The following CLSTN1 variants were observed in gnomAD, a reference collection of about 807,000 sequenced individuals.
The protein encoded by CLSTN1 is calsyntenin 1.
CLSTN1 carries 28 observed loss-of-function variants against 108.3 expected under a neutral mutation model. The ratio of observed to expected loss-of-function variants is 0.26; its 90% CI spans 0.19 to 0.35. The LOEUF (loss-of-function observed/expected upper bound fraction) is 0.35, where lower values mean the gene tolerates loss of function less well. CLSTN1 is among the 10% of genes least tolerant of loss of function. CLSTN1 has a pLI of 1.00. For missense variants in CLSTN1, 1,157 were observed against 1,302.6 expected, an observed-to-expected ratio of 0.89 and a Z score of 1.72; for synonymous variants, 524 against 534.9, an observed-to-expected ratio of 0.98 and a Z score of 0.28.
intron 4 of CLSTN1, among the ~76,000 whole-genome samples, chr1:9,753,033 A>G (rs565479027): frequency 2.6e-5 from 4 of 152,304 alleles, no homozygotes; most frequent in African/African-American, 9.6e-5. Flanking sequence ...TGAGAACACC[A>G]GCAGTCCCCA....
chr1:9,815,925 G>A (rs989615926), intron 1 of CLSTN1, among the ~76,000 whole-genome samples: 4 of 152,078 alleles, frequency 2.6e-5, no homozygotes, highest in Non-Finnish European at 4.4e-5. Context: ...GACAGAGTGA[G>A]ACTCTACCTC....
intron 2 of CLSTN1, among the ~76,000 whole-genome samples, chr1:9,769,839 G>A (rs1374946217): frequency 6.6e-6 from 1 of 151,806 alleles, no homozygotes; most frequent in Non-Finnish European, 1.5e-5. Flanking sequence ...TCAGGAGATT[G>A]AGACCACGGT....
chr1:9,811,616 C>T (rs1570523240), intron 1 of CLSTN1, among the ~76,000 whole-genome samples: 1 of 151,930 alleles, frequency 6.6e-6, no homozygotes, highest in East Asian at 1.9e-4. Flanking sequence ...TCCCCACCCC[C>T]ACTGTTCCTT....
At position 9,822,106 on chromosome 1, in the gene CLSTN1, A is replaced by C. The variant is rs960257699; in HGVS notation, c.91+1537T>G. ...AACTGTTCCCAAAATACCCAATCCA[A>C]GCACATATTTTTAAAATGTGTGGGT... On this transcript the variant is annotated intron_variant, in intron 1 of 18. Coordinates refer to ENST00000377298, the MANE Select transcript of CLSTN1 (RefSeq NM_001009566.3). 7.2e-5 allele frequency among the ~76,000 whole-genome samples: 11 copies of C among 152,240 alleles called. 1 individual carries two copies. Among genetic ancestry groups the C allele is most frequent in the Admixed American group, 6.5e-4 (10 of 15,288 alleles).
At chr1:9,783,668 C>T (rs1653351681) in intron 1 of CLSTN1, among the ~76,000 whole-genome samples, 1 of 149,042 alleles carries the variant, frequency 6.7e-6, no homozygotes, top group African/African-American at 2.5e-5. Flanking sequence ...CCAGCCTGGC[C>T]AACATGGTGA....
chr1:9,768,865 G>A (rs574121808), intron 2 of CLSTN1, among the ~76,000 whole-genome samples: 143 of 150,172 alleles, frequency 9.5e-4, no homozygotes, highest in African/African-American at 3.4e-3. Flanking sequence ...TCTGTGTTGG[G>A]TGGCACCAAA....
chr1:9,761,348 C>G (rs562060779), intron 2 of CLSTN1, among the ~76,000 whole-genome samples: 5 of 152,124 alleles, frequency 3.3e-5, no homozygotes, highest in Admixed American at 2.6e-4. Flanking sequence ...CAAAAATTAG[C>G]TGGGAGTGGT....
chr1:9,777,934 T>C (rs1364941930), intron 1 of CLSTN1, among the ~76,000 whole-genome samples: 1 of 152,084 alleles, frequency 6.6e-6, no homozygotes, highest in Non-Finnish European at 1.5e-5. Context: ...CCTGCTGCTC[T>C]CACCAACCTC....
intron 1 of CLSTN1, among the ~76,000 whole-genome samples, chr1:9,785,795 CTTT>C (rs77923873): frequency 7.0e-6 from 1 of 142,206 alleles, no homozygotes; most frequent in Non-Finnish European, 1.5e-5. Context: ...ATGTGAATTT[CTTT>C]TTTTTTTTTT....
At chr1:9,766,934 G>A (rs919688722) in intron 2 of CLSTN1, among the ~76,000 whole-genome samples, 2 of 152,190 alleles carry the variant, frequency 1.3e-5, no homozygotes, top group Non-Finnish European at 2.9e-5. Flanking sequence ...TCATTTCAGA[G>A]CTCTAACAAG....
chr1:9,735,326 T>A, intron 13 of CLSTN1, 141 bp downstream of exon 13: 1 of 1,387,920 alleles, frequency 7.2e-7, no homozygotes, highest in Non-Finnish European at 1.0e-6. Context: ...TGCGTAAATA[T>A]CACTCAGCTC....
chr1:9,796,390 G>A (rs866145460), intron 1 of CLSTN1, among the ~76,000 whole-genome samples: 1 of 150,770 alleles, frequency 6.6e-6, no homozygotes, highest in Middle Eastern at 3.4e-3. Context: ...AAATAAAGAT[G>A]GGTGGGCCAG....
intron 9 of CLSTN1, 135 bp downstream of exon 9, chr1:9,743,749 A>AT (rs1414994396): frequency 3.5e-5 from 30 of 860,220 alleles, no homozygotes; most frequent in Middle Eastern, 4.0e-4. Context: ...TAGGGACAGG[A>AT]TCTTAGTAAT....
chr1:9,731,704 G>C, intron 17 of CLSTN1, 57 bp downstream of exon 17: 1 of 1,580,818 alleles, frequency 6.3e-7, no homozygotes, highest in Non-Finnish European at 8.7e-7. Flanking sequence ...ACGGTGGGGT[G>C]GGGGCAGGGC....
Position 9,794,918 on chromosome 1 carries a change from G to A in CLSTN1, c.92-21524C>T, listed in dbSNP as rs577483640. Among the ~76,000 whole-genome samples, 89 of 150,752 alleles carry A rather than the reference G, an allele frequency of 5.9e-4. 1 individual carries two copies. The highest frequency in any genetic ancestry group is 3.9e-3 in the Admixed American group (58 of 14,760). ...CAAAACAGTCCACACAGTATTCAAG[G>A]CCTGATGGCATTCATTATCAATGCC... is the stretch of plus-strand genomic sequence containing the variant. On this transcript the variant is annotated intron_variant, in intron 1 of 18. Transcript: ENST00000377298.
intron 16 of CLSTN1, 31 bp from the exon 17 acceptor site, chr1:9,731,927 A>G: frequency 6.2e-7 from 1 of 1,613,816 alleles, no homozygotes; most frequent in Non-Finnish European, 8.5e-7. Context: ...ATCGCTGGAG[A>G]CAGGCATCCT....
intron 3 of CLSTN1, among the ~76,000 whole-genome samples, chr1:9,755,745 G>C (rs1282586295): frequency 6.6e-6 from 1 of 151,670 alleles, no homozygotes; most frequent in Non-Finnish European, 1.5e-5. Flanking sequence ...TATGTGTTGA[G>C]AGAGGAGGAA....
chr1:9,764,297 C>G (rs1311433391), intron 2 of CLSTN1, among the ~76,000 whole-genome samples: 3 of 152,030 alleles, frequency 2.0e-5, no homozygotes, highest in Non-Finnish European at 4.4e-5. Flanking sequence ...GGATTCACCC[C>G]CTGTGACCCA....
intron 5 of CLSTN1, 94 bp from the exon 6 acceptor site, chr1:9,750,007 G>A: frequency 1.9e-6 from 2 of 1,026,680 alleles, no homozygotes; most frequent in Non-Finnish European, 2.9e-6. Context: ...TAGGCTTTAA[G>A]CCCTGTAAAT....
Sources: allele counts gnomAD v4.1 joint callset (sites outside exome capture counted in the v4.1 genomes callset), GRCh38; gene constraint gnomAD v4.1.1; transcripts MANE v1.5; gene names NCBI Gene and HGNC (gene_info 2026-07-23, HGNC 2026-07-21).